Variants in SRPK1 observed in about 807,000 individuals in gnomAD.
SRPK1 encodes the protein SFRS protein kinase 1.
A neutral mutation model predicts 89.5 loss-of-function variants in SRPK1; 52 were observed. The ratio of observed to expected loss-of-function variants is 0.58; its 90% CI spans 0.46 to 0.73. SRPK1 has a LOEUF of 0.73. Among genes scored for constraint, SRPK1 ranks in the 30% least tolerant of loss-of-function variants. The pLI is 0.00. For synonymous variants in SRPK1, 255 were observed against 270.2 expected (o/e 0.94, Z 0.55); for missense variants, 603 against 780.6 (o/e 0.77, Z 2.71).
intron 2 of SRPK1, among the ~76,000 whole-genome samples, chr6:35,905,310 A>G (rs964025188): frequency 6.6e-6 from 1 of 152,204 alleles, no homozygotes; most frequent in Non-Finnish European, 1.5e-5. Flanking sequence ...TTCTTTAGAT[A>G]TAAAGGAGGA....
In SRPK1 at chr6:35,835,218, TCA is replaced by T. The variant is rs1581984413; in HGVS notation, c.*84_*85del. ...TCTAGAAACTCTTGAAGGAAGAGCT[TCA>T]CCCTGAAAAGGGAAGAGGAAAATGC... On this transcript the variant is annotated 3_prime_UTR_variant, in exon 16 of 16. Transcript: ENST00000373825. The T allele has an allele frequency of 1.2e-5, 14 of 1,190,830 alleles. No individual in the cohort carries two copies. Among genetic ancestry groups the T allele is most frequent in the Middle Eastern group, 2.9e-4 (1 of 3,418 alleles). 73.8% of individuals were successfully genotyped at this position (1,190,830 alleles called of 1,614,324 possible).
At chr6:35,871,268 A>C (rs557567847) in intron 8 of SRPK1, among the ~76,000 whole-genome samples, 1 of 152,326 alleles carries the variant, frequency 6.6e-6, no homozygotes, top group Non-Finnish European at 1.5e-5. Context: ...TGGGACAAGC[A>C]ACAACCTCTT....
chr6:35,890,928 C>G lies in SRPK1; in HGVS notation c.160G>C (p.Asp54His). 6.4e-7 allele frequency: 1 copy of G among 1,553,574 alleles called. No individual in the cohort carries two copies. The highest frequency in any genetic ancestry group is 8.7e-7 in the Non-Finnish European group (1 of 1,147,662). The change falls in exon 3 of 16, where the codon GAT (aspartate) becomes CAT (histidine). Residue 54 changes from aspartate (D) to histidine (H), a missense_variant. By Grantham distance (81) the Asp-to-His change is moderately conservative. Coordinates refer to ENST00000373825, the MANE Select transcript of SRPK1 (RefSeq NM_003137.5). ...TAATCATTAGGATCTTCTTGCTCATCATCATCAGATCCCAGAATCTCCTCT... is the reference window on the plus strand; with the variant it reads ...TAATCATTAGGATCTTCTTGCTCATGATCATCAGATCCCAGAATCTCCTCT... ...QEEEILGSDD[D>H]EQEDPNDYCK...
At chr6:35,876,240 T>C (rs564931639) in intron 6 of SRPK1, among the ~76,000 whole-genome samples, 31 of 151,992 alleles carry the variant, frequency 2.0e-4, no homozygotes, top group African/African-American at 7.5e-4. Flanking sequence ...CATCACCAAA[T>C]GTAGGTGAGG....
intron 13 of SRPK1, among the ~76,000 whole-genome samples, chr6:35,845,332 T>C (rs892865603): frequency 1.3e-5 from 2 of 152,148 alleles, no homozygotes; most frequent in African/African-American, 2.4e-5. Flanking sequence ...AGATCGACAG[T>C]TGGGGAGGCT....
chr6:35,902,881 C>G (rs1394621262), intron 2 of SRPK1, among the ~76,000 whole-genome samples: 1 of 152,142 alleles, frequency 6.6e-6, no homozygotes, highest in African/African-American at 2.4e-5. Flanking sequence ...GGGAGCTTGT[C>G]CTCAAGCTCA....
In SRPK1 at chr6:35,838,434, A is replaced by G. The variant is rs1769232176; in HGVS notation, c.1691-5T>C. 6.3e-7 allele frequency: 1 copy of G among 1,577,104 alleles called. No homozygotes were observed. The highest frequency in any genetic ancestry group is 8.6e-7 in the Non-Finnish European group (1 of 1,168,952). ...CTATGATCAATGCAATGTGATCTGTATATTTCAAACATTTCAAGAGGGGGG... is the reference window on the plus strand; with the variant it reads ...CTATGATCAATGCAATGTGATCTGTGTATTTCAAACATTTCAAGAGGGGGG... On this transcript the variant is annotated splice_region_variant and splice_polypyrimidine_tract_variant and intron_variant, in intron 14 of 15. Coordinates refer to ENST00000373825, the MANE Select transcript of SRPK1 (RefSeq NM_003137.5).
At position 35,869,098 on chromosome 6, in the gene SRPK1, G is replaced by A. The variant is rs939776673; in HGVS notation, c.1424C>T (p.Ala475Val). The change falls in exon 12 of 16, where the codon GCT becomes GTT. Residue 475 changes from alanine to valine, a missense_variant. Transcript: ENST00000373825. ...AAGGGGATTAACAAGAAAATTTCCA[G>A]CCGTGGATTTTCCTACAGACAACAG... ...GPLDNKGKST[A>V]GNFLVNPLEP... The A allele has an allele frequency of 2.9e-5, 46 of 1,613,252 alleles. No individual in the cohort carries two copies. The highest frequency in any genetic ancestry group is 3.3e-5 in the Non-Finnish European group (39 of 1,179,658).
intron 12 of SRPK1, among the ~76,000 whole-genome samples, chr6:35,860,693 AG>A (rs889968127): frequency 2.6e-5 from 4 of 152,210 alleles, no homozygotes; most frequent in Non-Finnish European, 5.9e-5. Context: ...TGTACATTCT[AG>A]TGAGAGGCTT....
chr6:35,880,742 A>AAAAAAAGAAAG lies in SRPK1; in HGVS notation c.478+5981_478+5982insCTTTCTTTTTT, dbSNP rs1554152657. 2.8e-4 allele frequency among the ~76,000 whole-genome samples: 8 copies of AAAAAAAGAAAG among 28,188 alleles called. No homozygotes were observed. The South Asian group carries it at 0.013, about 47-fold the overall frequency. 18.5% of individuals were successfully genotyped at this position (28,188 alleles called of 152,430 possible). A position where few individuals can be genotyped will look rare whatever the true frequency, so the allele number is the denominator to read the frequency against. On this transcript the variant is annotated intron_variant, in intron 6 of 15. Coordinates refer to ENST00000373825, the MANE Select transcript of SRPK1 (RefSeq NM_003137.5). The stretch of plus-strand genomic sequence containing the variant: ...CTCAAAAAAAAAAAAAAAGAAAAAA[A>AAAAAAAGAAAG]AAAAAAAAGAAAAGAAAAGAAGAAG...
intron 6 of SRPK1, among the ~76,000 whole-genome samples, chr6:35,882,269 AT>A (rs34445728): frequency 0.34 from 49,603 of 147,162 alleles, 8,307 homozygotes; most frequent in South Asian, 0.45. Flanking sequence ...ACTGGTCACA[AT>A]TTTTTTTTTT....
chr6:35,920,928 G>C (rs1013413840), intron 1 of SRPK1, 116 bp downstream of exon 1: 2 of 1,225,738 alleles, frequency 1.6e-6, no homozygotes, highest in Non-Finnish European at 2.2e-6. Flanking sequence ...CCTCAGTGGA[G>C]GGGCGCCGCA....
At chr6:35,856,844 A>T (rs1227911842) in intron 13 of SRPK1, 2 of 156,040 alleles carry the variant, frequency 1.3e-5, no homozygotes, top group African/African-American at 4.8e-5. Flanking sequence ...ATTGGGATTC[A>T]CATCTTGGGA....
chr6:35,876,654 C>CA (rs1311321671), intron 6 of SRPK1, among the ~76,000 whole-genome samples: 1 of 152,022 alleles, frequency 6.6e-6, no homozygotes, highest in African/African-American at 2.4e-5. Context: ...AAACAACAAA[C>CA]AAAAAACCCC....
intron 2 of SRPK1, among the ~76,000 whole-genome samples, chr6:35,906,842 C>T (rs1201191901): frequency 6.6e-6 from 1 of 151,922 alleles, no homozygotes; most frequent in Non-Finnish European, 1.5e-5. Flanking sequence ...AAAAAAAAAC[C>T]CACTCTAATG....
At position 35,891,118 on chromosome 6, in the gene SRPK1, C is replaced by A. The variant is rs1044345987; in HGVS notation, c.75-105G>T. 35 of 1,310,308 alleles carry A rather than the reference C, an allele frequency of 2.7e-5. No homozygotes were observed. In the South Asian group the frequency reaches 6.6e-4, roughly 25 times the overall value. 81.2% of individuals were successfully genotyped at this position (1,310,308 alleles called of 1,614,324 possible). A position where few individuals can be genotyped will look rare whatever the true frequency, so the allele number is the denominator to read the frequency against. ...AAACTAAACTTTCAGATAATATGAACAGAGTATTACCAAGTGGCAGCCTAG... is the reference window on the plus strand; with the variant it reads ...AAACTAAACTTTCAGATAATATGAAAAGAGTATTACCAAGTGGCAGCCTAG... On this transcript the variant is annotated intron_variant, in intron 2 of 15. Coordinates refer to ENST00000373825, the MANE Select transcript of SRPK1 (RefSeq NM_003137.5).
intron 3 of SRPK1, among the ~76,000 whole-genome samples, chr6:35,890,033 G>A (rs1210445272): frequency 2.6e-5 from 4 of 151,824 alleles, no homozygotes; most frequent in Admixed American, 6.6e-5. Flanking sequence ...GCATGAACCC[G>A]GGAGGCAGAG....
intron 6 of SRPK1, among the ~76,000 whole-genome samples, chr6:35,878,279 C>T (rs1304767893): frequency 1.3e-5 from 2 of 152,104 alleles, no homozygotes; most frequent in Non-Finnish European, 2.9e-5. Flanking sequence ...ACAAGGTGAG[C>T]CTGCAATATC....
At chr6:35,848,923 G>A (rs1474624414) in intron 13 of SRPK1, among the ~76,000 whole-genome samples, 1 of 152,144 alleles carries the variant, frequency 6.6e-6, no homozygotes, top group African/African-American at 2.4e-5. Context: ...ACATGACATT[G>A]GTCTGAGCAA....
Sources: gnomAD v4.1 joint callset for allele counts (sites outside exome capture counted in the v4.1 genomes callset) on GRCh38, gnomAD v4.1.1 for gene constraint, MANE v1.5 for transcripts, NCBI Gene and HGNC (gene_info 2026-07-23, HGNC 2026-07-21) for gene names.